SLC27A6: variants seen among roughly 807,000 people sequenced by gnomAD.
SLC27A6 encodes long-chain fatty acid transport protein 6.
In SLC27A6, 74 loss-of-function variants were observed where a neutral mutation model predicts 63.9. That is an observed-to-expected ratio of 1.16 (90% CI 0.96 to 1.40). The LOEUF is 1.40. Among genes scored for constraint, SLC27A6 ranks in the 40% most tolerant of loss-of-function variants. The pLI is 0.00. For synonymous variants in SLC27A6, 287 were observed against 260.8 expected, an observed-to-expected ratio of 1.10 and a Z score of -0.97; for missense variants, 794 against 732.9, an observed-to-expected ratio of 1.08 and a Z score of -0.96.
At chr5:129,009,067 A>G (rs1751639959) in intron 4 of SLC27A6, among the ~76,000 whole-genome samples, 1 of 151,996 alleles carries the variant, frequency 6.6e-6, no homozygotes, top group Admixed American at 6.6e-5. Context: ...GGGTTTCTCC[A>G]TATTGGCCAG....
chr5:129,027,199 A>T lies in SLC27A6; in HGVS notation c.1322A>T (p.Tyr441Phe), dbSNP rs201176637. The T allele has an allele frequency of 1.4e-5, 22 of 1,613,560 alleles. No individual in the cohort carries two copies. The Admixed American group carries it at 2.8e-4, about 21-fold the overall frequency. Residue 441 changes from tyrosine (Y) to phenylalanine (F), a missense_variant, in exon 7 of 10, where the codon TAT becomes TTT. Physicochemically the swap from Tyr to Phe is conservative, Grantham distance 22. Coordinates refer to ENST00000262462, the MANE Select transcript of SLC27A6 (RefSeq NM_001017372.3). The part of the protein sequence containing the change: ...KNPFFGYAGP[Y>F]KHTKDKLLCD... ...CCCTTCTTTGGCTATGCTGGGCCTT[A>T]TAAGCACACAAAAGACAAATTGCTT... is the stretch of plus-strand genomic sequence containing the variant.
intron 8 of SLC27A6, among the ~76,000 whole-genome samples, chr5:129,028,933 A>G (rs1752333565): frequency 6.6e-6 from 1 of 152,026 alleles, no homozygotes; most frequent in East Asian, 1.9e-4. Context: ...CAGAAAAGTG[A>G]CCAATTTGAA....
rs772265379 is a variant in SLC27A6 at position 129,033,140 on chromosome 5, T to C, written c.1718T>C (p.Leu573Ser). The change falls in exon 10 of 10, where the codon TTG (leucine) becomes TCG (serine). Residue 573 changes from leucine to serine, a missense_variant. Transcript: ENST00000262462. Reference sequence around the variant, plus strand: ...GAAGCAACAGGAACATTCAAACTATTGAAGCATCAGTTGGTGGAAGATGGA... The same window carrying C: ...GAAGCAACAGGAACATTCAAACTATCGAAGCATCAGTTGGTGGAAGATGGA... Reference protein sequence around the residue: ...KMEATGTFKLLKHQLVEDGFN... With the variant: ...KMEATGTFKLSKHQLVEDGFN... The C allele has an allele frequency of 8.1e-6, 13 of 1,608,326 alleles. No individual in the cohort carries two copies. In the Middle Eastern group the frequency reaches 8.3e-4, roughly 102 times the overall value.
At chr5:128,990,930 G>A (rs921162440) in intron 4 of SLC27A6, among the ~76,000 whole-genome samples, 6 of 152,208 alleles carry the variant, frequency 3.9e-5, no homozygotes, top group Non-Finnish European at 5.9e-5. Context: ...AGTCAGCAGC[G>A]GGTCTGCGAT....
chr5:129,021,908 A>G (rs181666359), intron 5 of SLC27A6, among the ~76,000 whole-genome samples: 1 of 152,310 alleles, frequency 6.6e-6, no homozygotes, highest in Non-Finnish European at 1.5e-5. Context: ...ACCCACACAC[A>G]GTTGCCCAAT....
intron 5 of SLC27A6, among the ~76,000 whole-genome samples, chr5:129,022,252 A>C (rs890955355): frequency 2.6e-5 from 4 of 152,160 alleles, no homozygotes; most frequent in African/African-American, 9.7e-5. Flanking sequence ...GGATAATATT[A>C]ATTTCTACAT....
At position 128,966,456 on chromosome 5, in the gene SLC27A6, A is replaced by AT. The variant is rs749283706; in HGVS notation, c.319_320insT (p.Thr107IlefsTer9). The stretch of plus-strand genomic sequence containing the variant: ...CCATTCCTCTCTGAAAAAGGGGGAC[A>AT]CGGTGGCTCTGCTGATGAGCAATGA... On this transcript the variant is annotated frameshift_variant, in exon 1 of 10. Coordinates refer to ENST00000262462, the MANE Select transcript of SLC27A6 (RefSeq NM_001017372.3). LOFTEE classifies it high-confidence loss of function. 6.2e-7 allele frequency: 1 copy of AT among 1,607,884 alleles called. No homozygotes were observed. Among genetic ancestry groups the AT allele is most frequent in the Admixed American group, 1.7e-5 (1 of 59,228 alleles).
rs892599616 is a variant in SLC27A6 at position 128,981,430 on chromosome 5, G to A, written c.482-3703G>A. 3.3e-5 allele frequency among the ~76,000 whole-genome samples: 5 copies of A among 151,308 alleles called. No homozygotes were observed. The East Asian group carries it at 7.8e-4, about 24-fold the overall frequency. ...TGGGTGGCGGAGGTTGTAGTGAGCC[G>A]AGTTTGGGCCACTGCACTCTAGCTT... On this transcript the variant is annotated intron_variant, in intron 1 of 9. Transcript: ENST00000262462.
At chr5:128,999,405 C>A (rs1331003165) in intron 4 of SLC27A6, among the ~76,000 whole-genome samples, 2 of 152,088 alleles carry the variant, frequency 1.3e-5, no homozygotes, top group Admixed American at 1.3e-4. Flanking sequence ...TAAATGTTGG[C>A]ATGCCCCTGA....
chr5:128,990,308 T>C (rs1277697588), intron 3 of SLC27A6, 32 bp from the exon 4 acceptor site: 8 of 1,601,418 alleles, frequency 5.0e-6, no homozygotes, highest in Non-Finnish European at 6.8e-6. Context: ...TGAATTTTTT[T>C]CCCTAGTGCC....
Position 129,033,480 on chromosome 5 carries a change from T to G in SLC27A6, c.*198T>G. ...ATAAACAGTAGTTGATTATTCTTTT[T>G]ATCTATTTGGAGATTCAGTGCATAA... On this transcript the variant is annotated 3_prime_UTR_variant, in exon 10 of 10. Coordinates refer to ENST00000262462, the MANE Select transcript of SLC27A6 (RefSeq NM_001017372.3). 3.4e-6 allele frequency: 1 copy of G among 293,780 alleles called. No homozygotes were observed. 18.2% of individuals were successfully genotyped at this position (293,780 alleles called of 1,614,324 possible).
rs1156840389 is a variant in SLC27A6, at chr5:128,997,208, A to C, written c.969+6744A>C. On this transcript the variant is annotated intron_variant, in intron 4 of 9. Transcript: ENST00000262462. Reference sequence around the variant, plus strand: ...AATTGTTATCAAGATATTCTGATATAGTTTCATTACAATTCTCTGTAGCTT... The same window carrying C: ...AATTGTTATCAAGATATTCTGATATCGTTTCATTACAATTCTCTGTAGCTT... Among the ~76,000 whole-genome samples the C allele has an allele frequency of 2.6e-5, 4 of 152,190 alleles. No homozygotes were observed. The East Asian group carries it at 7.7e-4, about 29-fold the overall frequency.
At chr5:129,026,003 G>A (rs901388753) in intron 6 of SLC27A6, among the ~76,000 whole-genome samples, 1 of 152,144 alleles carries the variant, frequency 6.6e-6, no homozygotes, top group Non-Finnish European at 1.5e-5. Flanking sequence ...GGGCCTAGTG[G>A]CATGCATCTG....
chr5:129,010,917 G>A (rs571026042), intron 4 of SLC27A6, among the ~76,000 whole-genome samples: 2 of 152,226 alleles, frequency 1.3e-5, no homozygotes, highest in Admixed American at 6.5e-5. Flanking sequence ...TTTGACCTAC[G>A]GACACTGTGA....
At chr5:128,987,948 C>A (rs1367953495) in intron 2 of SLC27A6, among the ~76,000 whole-genome samples, 1 of 151,924 alleles carries the variant, frequency 6.6e-6, no homozygotes, top group Admixed American at 6.6e-5. Context: ...AAAAATTTCC[C>A]AGCGAAATGG....
chr5:128,978,495 A>C (rs1750468066), intron 1 of SLC27A6, among the ~76,000 whole-genome samples: 1 of 152,216 alleles, frequency 6.6e-6, no homozygotes, highest in Non-Finnish European at 1.5e-5. Flanking sequence ...AACAAGAGTA[A>C]CATTTGCCTG....
chr5:128,976,848 G>A (rs1007479881), intron 1 of SLC27A6, among the ~76,000 whole-genome samples: 8 of 152,218 alleles, frequency 5.3e-5, no homozygotes, highest in Middle Eastern at 3.4e-3. Context: ...AAAGAGTTCC[G>A]GGTAATTGAA....
intron 1 of SLC27A6, among the ~76,000 whole-genome samples, chr5:128,972,217 G>A (rs1411935071): frequency 6.6e-6 from 1 of 152,048 alleles, no homozygotes; most frequent in Non-Finnish European, 1.5e-5. Context: ...TTTCAACTTT[G>A]GTGAATCTGA....
chr5:129,015,269 A>G (rs1474602546), intron 4 of SLC27A6, among the ~76,000 whole-genome samples: 2 of 152,184 alleles, frequency 1.3e-5, no homozygotes, highest in Non-Finnish European at 2.9e-5. Flanking sequence ...TAAAATATGA[A>G]TGAAAAGTAA....
Sources: gnomAD v4.1 joint callset for allele counts (sites outside exome capture counted in the v4.1 genomes callset) on GRCh38, gnomAD v4.1.1 for gene constraint, MANE v1.5 for transcripts, NCBI Gene and HGNC (gene_info 2026-07-23, HGNC 2026-07-21) for gene names.